CEP290: variants seen among roughly 807,000 people sequenced by gnomAD.
CEP290 encodes the protein centrosomal protein 290, also known as centrosomal protein of 290 kDa.
CEP290 carries 317 observed loss-of-function variants against 344.9 expected under a neutral mutation model. That is an observed-to-expected ratio of 0.92 (90% CI 0.84 to 1.01). CEP290 has a LOEUF of 1.01. Ranked by LOEUF, CEP290 falls within the 50% of genes least tolerant of loss-of-function variation. The pLI, the probability that CEP290 is intolerant of heterozygous loss-of-function variation, is 0.00. For synonymous variants in CEP290, 932 were observed against 895.8 expected (o/e 1.04, Z -0.72); for missense variants, 2,754 against 2,761.4 (o/e 1.00, Z 0.06).
chr12:88,094,084 T>C, intron 27 of CEP290, 109 bp from the exon 28 acceptor site: 3 of 830,786 alleles, frequency 3.6e-6, no homozygotes, highest in Non-Finnish European at 5.4e-6. Context: ...GAAAGCACAT[T>C]AGCTTTCTGA....
intron 20 of CEP290, 40 bp from the exon 21 acceptor site, chr12:88,111,898 A>G: frequency 2.9e-6 from 4 of 1,372,748 alleles, no homozygotes; most frequent in Non-Finnish European, 3.9e-6. Context: ...GTGGAGAAAA[A>G]CAGTAAAATC....
intron 46 of CEP290, 46 bp downstream of exon 46, chr12:88,062,646 T>C: frequency 1.6e-6 from 2 of 1,272,624 alleles, no homozygotes; most frequent in Non-Finnish European, 2.3e-6. Context: ...ATTTCTGGCT[T>C]ATCACTGCTG....
chr12:88,089,486 G>C lies in CEP290; in HGVS notation c.3575C>G (p.Ala1192Gly). Residue 1192 changes from alanine to glycine, a missense_variant and splice_region_variant, in exon 31 of 54, where the codon GCA (alanine) becomes GGA (glycine). By Grantham distance (60) the Ala-to-Gly change is moderately conservative. Transcript: ENST00000552810. ...SLRMQLLDYQ[A>G]QSDEKSLIAK... ...AATGAGCGACTTTTCATCAGACTGT[G>C]CCTGATATTAAAAAAAATATATATT... 1 of 1,363,716 alleles carries C rather than the reference G, an allele frequency of 7.3e-7. No homozygotes were observed. Among genetic ancestry groups the C allele is most frequent in the Non-Finnish European group, 9.5e-7 (1 of 1,056,210 alleles). 84.5% of individuals were successfully genotyped at this position (1,363,716 alleles called of 1,614,324 possible). A position where few individuals can be genotyped will look rare whatever the true frequency, so the allele number is the denominator to read the frequency against.
At chr12:88,084,039 A>G in intron 35 of CEP290, 85 bp from the exon 36 acceptor site, 1 of 829,164 alleles carries the variant, frequency 1.2e-6, no homozygotes, top group Non-Finnish European at 1.9e-6. Context: ...TTTCTCTTCA[A>G]TCTTCTAAAA....
chr12:88,100,638 A>G (rs887682181), intron 26 of CEP290, among the ~76,000 whole-genome samples: 9 of 152,222 alleles, frequency 5.9e-5, no homozygotes, highest in African/African-American at 1.2e-4. Flanking sequence ...CTTATATTCC[A>G]TTAAGGAAGA....
chr12:88,078,815 T>C (rs2035974454), intron 39 of CEP290, among the ~76,000 whole-genome samples: 1 of 151,844 alleles, frequency 6.6e-6, no homozygotes, highest in African/African-American at 2.4e-5. Flanking sequence ...AATAAAGTCT[T>C]AAAAAAAATC....
chr12:88,128,456 C>CA (rs1039625784), intron 11 of CEP290, among the ~76,000 whole-genome samples: 12 of 152,076 alleles, frequency 7.9e-5, no homozygotes, highest in Admixed American at 2.0e-4. Context: ...TAAGGCCTGA[C>CA]AATTTGGTTA....
chr12:88,105,864 G>A (rs1249104435), intron 25 of CEP290, among the ~76,000 whole-genome samples: 3 of 151,796 alleles, frequency 2.0e-5, no homozygotes, highest in Non-Finnish European at 4.4e-5. Flanking sequence ...CCACCTCAAT[G>A]TCCCAGGTAG....
intron 6 of CEP290, among the ~76,000 whole-genome samples, chr12:88,131,420 A>G (rs2040066850): frequency 6.6e-6 from 1 of 151,838 alleles, no homozygotes; most frequent in South Asian, 2.1e-4. Context: ...GCATTACCAT[A>G]ACTGGCTAAT....
At chr12:88,053,617 TGGG>T in intron 52 of CEP290, 32 bp downstream of exon 52, 1 of 1,069,000 alleles carries the variant, frequency 9.4e-7, no homozygotes, top group Non-Finnish European at 1.4e-6. Context: ...TTCAAAAACT[TGGG>T]GGTAGCTAAC....
rs921108479 is a variant in CEP290 at position 88,090,031 on chromosome 12, G to GT, written c.3574-545dup. 2.0e-3 allele frequency among the ~76,000 whole-genome samples: 300 copies of GT among 151,380 alleles called. 1 individual carries two copies. Among genetic ancestry groups the GT allele is most frequent in the African/African-American group, 6.4e-3 (266 of 41,332 alleles). ...TGAGCCACCATGCCTGACTGTTACA[G>GT]TTTTTTTTTAACCTCCATTGCAAGT... On this transcript the variant is annotated intron_variant, in intron 30 of 53. Coordinates refer to ENST00000552810, the MANE Select transcript of CEP290 (RefSeq NM_025114.4).
chr12:88,058,284 G>A (rs1416080429), intron 49 of CEP290: 1 of 152,866 alleles, frequency 6.5e-6, no homozygotes, highest in Non-Finnish European at 1.5e-5. Flanking sequence ...GTTCGGGGTG[G>A]GAGAAAATCA....
intron 50 of CEP290, among the ~76,000 whole-genome samples, chr12:88,055,169 G>T (rs1429698414): frequency 6.6e-6 from 1 of 152,056 alleles, no homozygotes; most frequent in African/African-American, 2.4e-5. Flanking sequence ...TTTTAAAAGG[G>T]TTACCTGGCA....
rs2036719008 is a variant in CEP290, at chr12:88,087,914, GTTC to G, written c.4057_4059del (p.Glu1353del). 8.3e-7 allele frequency: 1 copy of G among 1,202,348 alleles called. No homozygotes were observed. Among genetic ancestry groups the G allele is most frequent in the East Asian group, 3.1e-5 (1 of 32,284 alleles). The allele number at this position is 1,202,348 out of a possible 1,614,324, so 74.5% of individuals were successfully genotyped here. A position where few individuals can be genotyped will look rare whatever the true frequency, so the allele number is the denominator to read the frequency against. ...TTTAGTTTAAGTTCTTGAAGACGAA[GTTC>G]TTCTATTTTCATATGCCAGTTGATT... On this transcript the variant is annotated inframe_deletion, in exon 32 of 54. Coordinates refer to ENST00000552810, the MANE Select transcript of CEP290 (RefSeq NM_025114.4).
intron 31 of CEP290, among the ~76,000 whole-genome samples, 196 bp from the exon 32 acceptor site, chr12:88,088,140 T>C (rs182460839): frequency 1.9e-3 from 291 of 152,330 alleles, no homozygotes; most frequent in Non-Finnish European, 2.8e-3. Context: ...TGTGGGATTT[T>C]ACAATAAAAA....
At chr12:88,111,993 C>T (rs1357883673) in intron 20 of CEP290, 135 bp from the exon 21 acceptor site, 49 of 554,230 alleles carry the variant, frequency 8.8e-5, no homozygotes, top group Non-Finnish European at 3.2e-5. Context: ...ATAAAGTATG[C>T]CAATTCAAAT....
intron 25 of CEP290, among the ~76,000 whole-genome samples, chr12:88,105,845 G>A (rs1048353070): frequency 1.3e-5 from 2 of 151,978 alleles, no homozygotes; most frequent in Admixed American, 6.6e-5. Context: ...CTGGGCTCAA[G>A]CGATCCTCCC....
At chr12:88,053,511 G>GAGACAA in intron 52 of CEP290, 141 bp downstream of exon 52, 1 of 604,540 alleles carries the variant, frequency 1.7e-6, no homozygotes, top group Non-Finnish European at 2.9e-6. Context: ...ATAGCACAGA[G>GAGACAA]AGACAAAAGA....
rs761761702 is a variant in CEP290 at position 88,086,085 on chromosome 12, A to G, written c.4391T>C (p.Ile1464Thr). ...TGCCCGTGTTTCTAGAATTATTCGAATGTTCTCCTTAATTTTCCTTAGAGC... is the reference window on the plus strand; with the variant it reads ...TGCCCGTGTTTCTAGAATTATTCGAGTGTTCTCCTTAATTTTCCTTAGAGC... ...EIALRKIKEN[I>T]RIILETRATC... The change falls in exon 34 of 54, where the codon ATT (isoleucine) becomes ACT (threonine). Residue 1464 changes from isoleucine to threonine, a missense_variant. By Grantham distance (89) the Ile-to-Thr change is moderately conservative. Coordinates refer to ENST00000552810, the MANE Select transcript of CEP290 (RefSeq NM_025114.4). The G allele has an allele frequency of 5.0e-6, 8 of 1,613,024 alleles. No individual in the cohort carries two copies. The Admixed American group carries it at 1.3e-4, about 27-fold the overall frequency.
Sources: gnomAD v4.1 joint callset for allele counts (sites outside exome capture counted in the v4.1 genomes callset) on GRCh38, gnomAD v4.1.1 for gene constraint, MANE v1.5 for transcripts, NCBI Gene and HGNC (gene_info 2026-07-23, HGNC 2026-07-21) for gene names.